Variants in GRIN2B observed in about 807,000 individuals in gnomAD.
GRIN2B encodes glutamate ionotropic receptor NMDA type subunit 2B.
Under a neutral mutation model 114.5 loss-of-function variants are expected in GRIN2B, and 5 were observed. The observed-to-expected ratio is 0.04, with a 90% confidence interval of 0.02 to 0.09. The LOEUF is 0.09. Among genes scored for constraint, GRIN2B ranks in the 10% least tolerant of loss-of-function variants. GRIN2B has a pLI of 1.00. For synonymous variants in GRIN2B, 787 were observed against 745.1 expected (o/e 1.06, Z -0.92); for missense variants, 1,108 against 1,943.5 (o/e 0.57, Z 8.08).
At position 13,815,271 on chromosome 12, in the gene GRIN2B, A is replaced by C. The variant is rs376780409; in HGVS notation, c.411+50527T>G. Among the ~76,000 whole-genome samples the C allele has an allele frequency of 8.7e-4, 132 of 152,324 alleles. 4 individuals carry two copies. In the South Asian group the frequency reaches 0.027, roughly 31 times the overall value. Reference sequence around the variant, plus strand: ...CGCAATACTCAGGGTACTTTTCCTCAGATGAATTCAATGTATTGGTACTGA... The same window carrying C: ...CGCAATACTCAGGGTACTTTTCCTCCGATGAATTCAATGTATTGGTACTGA... On this transcript the variant is annotated intron_variant, in intron 3 of 13. Transcript: ENST00000609686.
rs200887288 is a variant in GRIN2B, at chr12:13,564,157, G to T, written c.3081C>A (p.Leu1027=). Residue 1027 remains leucine (L), a synonymous_variant, in exon 14 of 14, where the codon CTC becomes CTA. Coordinates refer to ENST00000609686, the MANE Select transcript of GRIN2B (RefSeq NM_000834.5). This position sits in a 1 kb window ranked among gnomAD's most constrained non-coding sequence, Gnocchi z 4.8. ...SISKKPLDIG[L]PSSKHSQLSD... ...TGAGCTGGCTGTGCTTGGAGGAGGG[G>T]AGGCCGATGTCCAGGGGCTTCTTGC... 1.2e-6 allele frequency: 2 copies of T among 1,614,164 alleles called. No homozygotes were observed. The highest frequency in any genetic ancestry group is 3.3e-5 in the Admixed American group (2 of 60,032).
At chr12:13,735,174 G>A (rs192283132) in intron 4 of GRIN2B, among the ~76,000 whole-genome samples, 1 of 152,274 alleles carries the variant, frequency 6.6e-6, no homozygotes, top group Admixed American at 6.5e-5. Flanking sequence ...ATTATTTGCA[G>A]CACACAGAAA....
chr12:13,579,472 T>C (rs1591617029), intron 10 of GRIN2B, among the ~76,000 whole-genome samples: 1 of 152,218 alleles, frequency 6.6e-6, no homozygotes, highest in African/African-American at 2.4e-5. Flanking sequence ...ACCTACCTCA[T>C]AAAGTTTAAG....
intron 3 of GRIN2B, among the ~76,000 whole-genome samples, chr12:13,834,288 C>T (rs1865213617): frequency 6.6e-6 from 1 of 151,004 alleles, no homozygotes; most frequent in African/African-American, 2.4e-5. Context: ...CCACCCTCCT[C>T]GGCCTCCCAA....
chr12:13,763,876 A>C (rs772856195), intron 3 of GRIN2B, among the ~76,000 whole-genome samples: 4 of 152,130 alleles, frequency 2.6e-5, no homozygotes, highest in Non-Finnish European at 5.9e-5. Context: ...TTATACTGAA[A>C]ATTGCTCTCC....
At chr12:13,593,099 A>G (rs1949029193) in intron 10 of GRIN2B, among the ~76,000 whole-genome samples, 2 of 152,212 alleles carry the variant, frequency 1.3e-5, no homozygotes, top group Non-Finnish European at 2.9e-5. Context: ...AAGAATCAAT[A>G]TCATCAGAAC....
intron 2 of GRIN2B, among the ~76,000 whole-genome samples, chr12:13,927,982 A>AAAGAAAAAAAAAAAAAAAAG (rs71067738): frequency 7.7e-6 from 1 of 129,700 alleles, no homozygotes; most frequent in Non-Finnish European, 1.7e-5. Context: ...AAAAAAAAAA[A>AAAGAAAAAAAAAAAAAAAAG]GGGGGGGTAT....
At chr12:13,870,366 C>G (rs577872048) in intron 2 of GRIN2B, among the ~76,000 whole-genome samples, 1 of 152,248 alleles carries the variant, frequency 6.6e-6, no homozygotes, top group African/African-American at 2.4e-5. Flanking sequence ...GTTGACTGTT[C>G]ACTCATTTGG....
intron 2 of GRIN2B, among the ~76,000 whole-genome samples, chr12:13,868,479 C>G (rs1052384411): frequency 3.3e-5 from 5 of 151,340 alleles, no homozygotes; most frequent in African/African-American, 9.7e-5. Context: ...CACACACACA[C>G]AGTTCAATTC....
chr12:13,814,736 G>A (rs1483448844), intron 3 of GRIN2B, among the ~76,000 whole-genome samples: 2 of 152,156 alleles, frequency 1.3e-5, no homozygotes, highest in Non-Finnish European at 2.9e-5. Flanking sequence ...TGACTATGGA[G>A]CATTTGAAAT....
chr12:13,850,926 T>C (rs964908375), intron 3 of GRIN2B, among the ~76,000 whole-genome samples: 7 of 152,184 alleles, frequency 4.6e-5, no homozygotes, highest in African/African-American at 1.7e-4. Flanking sequence ...AGAATAATAC[T>C]ACTGTCTAAA....
intron 2 of GRIN2B, among the ~76,000 whole-genome samples, chr12:13,970,211 T>C (rs1190042989): frequency 1.3e-5 from 2 of 152,134 alleles, no homozygotes; most frequent in East Asian, 3.9e-4. Context: ...TACATGGAAT[T>C]TGAAAGGAAG....
chr12:13,777,607 G>A (rs779959695), intron 3 of GRIN2B, among the ~76,000 whole-genome samples: 2 of 152,196 alleles, frequency 1.3e-5, no homozygotes, highest in East Asian at 1.9e-4. Context: ...AACAAGAGAA[G>A]GTGCCTAACG....
At chr12:13,605,110 A>G (rs896077325) in intron 10 of GRIN2B, among the ~76,000 whole-genome samples, 1 of 150,012 alleles carries the variant, frequency 6.7e-6, no homozygotes, top group Non-Finnish European at 1.5e-5. Flanking sequence ...ACTTATGGTC[A>G]TTGACTTTGT....
intron 2 of GRIN2B, among the ~76,000 whole-genome samples, chr12:13,906,808 A>T (rs1432851844): frequency 3.3e-5 from 5 of 152,244 alleles, no homozygotes; most frequent in African/African-American, 1.2e-4. Context: ...TTTGTATCAT[A>T]TTAATTTGAA....
chr12:13,613,453 T>C (rs1212319031), intron 8 of GRIN2B, among the ~76,000 whole-genome samples: 3 of 152,182 alleles, frequency 2.0e-5, no homozygotes, highest in Non-Finnish European at 4.4e-5. Context: ...GTCAAGGTTC[T>C]TTCCAATTCA....
At chr12:13,764,225 A>C (rs1863734648) in intron 3 of GRIN2B, among the ~76,000 whole-genome samples, 1 of 152,038 alleles carries the variant, frequency 6.6e-6, no homozygotes, top group African/African-American at 2.4e-5. Flanking sequence ...AACGTACAGA[A>C]TGCTAAGGAT....
intron 10 of GRIN2B, among the ~76,000 whole-genome samples, chr12:13,607,383 T>A (rs10772696): frequency 0.56 from 30,646 of 54,368 alleles, 9,634 homozygotes; most frequent in East Asian, 0.82. Context: ...ATTATATATA[T>A]AATATATATT....
intron 5 of GRIN2B, among the ~76,000 whole-genome samples, chr12:13,674,316 C>G (rs970344853): frequency 6.6e-6 from 1 of 152,076 alleles, no homozygotes; most frequent in Non-Finnish European, 1.5e-5. Context: ...GCTATGACAG[C>G]ACCACTGCAC....
Sources: allele counts gnomAD v4.1 joint callset (sites outside exome capture counted in the v4.1 genomes callset), GRCh38; gene constraint gnomAD v4.1.1; non-coding constraint Gnocchi (gnomAD v3.1); transcripts MANE v1.5; gene names NCBI Gene and HGNC (gene_info 2026-07-23, HGNC 2026-07-21).